The following VRK1 variants were observed in gnomAD, a reference collection of about 807,000 sequenced individuals.
VRK1 encodes VRK serine/threonine kinase 1.
Under a neutral mutation model 57.1 loss-of-function variants are expected in VRK1, and 33 were observed. The ratio of observed to expected loss-of-function variants is 0.58; its 90% CI spans 0.44 to 0.77. The LOEUF (loss-of-function observed/expected upper bound fraction) is 0.77, where lower values mean the gene tolerates loss of function less well. Among genes scored for constraint, VRK1 ranks in the 30% least tolerant of loss-of-function variants. VRK1 has a pLI of 0.00. For missense variants in VRK1, 413 were observed against 477.3 expected (o/e 0.87, Z 1.25); for synonymous variants, 137 against 147.8 (o/e 0.93, Z 0.53).
At position 96,881,087 on chromosome 14, in the gene VRK1, A is replaced by G. The variant is rs1047591422; in HGVS notation, c.1160-90A>G. 4.5e-6 allele frequency: 5 copies of G among 1,120,190 alleles called. No homozygotes were observed. In the African/African-American group the frequency reaches 7.9e-5, roughly 18 times the overall value. 69.4% of individuals were successfully genotyped at this position (1,120,190 alleles called of 1,614,324 possible). On this transcript the variant is annotated intron_variant, in intron 12 of 12. Transcript: ENST00000216639. ...GAGTCGATTTGATTTTAAAATGTTA[A>G]TAACTATATTTAGGGATATTTATAT...
chr14:96,814,968 A>T (rs1344513332), intron 1 of VRK1, among the ~76,000 whole-genome samples: 1 of 152,212 alleles, frequency 6.6e-6, no homozygotes, highest in African/African-American at 2.4e-5. Flanking sequence ...CTTTTATTGT[A>T]TATAATGCTG....
chr14:96,875,902 C>A, intron 11 of VRK1, 128 bp from the exon 12 acceptor site: 1 of 962,714 alleles, frequency 1.0e-6, no homozygotes, highest in Non-Finnish European at 1.6e-6. Flanking sequence ...TGAGAATATT[C>A]TTCCTGTGTG....
At chr14:96,854,879 T>A (rs1304348482) in intron 7 of VRK1, among the ~76,000 whole-genome samples, 1 of 152,202 alleles carries the variant, frequency 6.6e-6, no homozygotes, top group Non-Finnish European at 1.5e-5. Flanking sequence ...TGCTCTGTGC[T>A]CAATTTTAGA....
At chr14:96,809,931 A>G (rs1246241393) in intron 1 of VRK1, among the ~76,000 whole-genome samples, 2 of 152,188 alleles carry the variant, frequency 1.3e-5, no homozygotes, top group Non-Finnish European at 2.9e-5. Context: ...GTACCTATTT[A>G]TACTTTTACC....
At chr14:96,847,618 G>A (rs1224282595) in intron 5 of VRK1, among the ~76,000 whole-genome samples, 12 of 151,978 alleles carry the variant, frequency 7.9e-5, no homozygotes, top group African/African-American at 2.9e-4. Flanking sequence ...CTGACAAGGA[G>A]GAACAAAGCC....
At chr14:96,834,241 A>G (rs758911434) in intron 2 of VRK1, among the ~76,000 whole-genome samples, 3 of 152,314 alleles carry the variant, frequency 2.0e-5, no homozygotes, top group South Asian at 2.1e-4. Context: ...TGCTTCACCA[A>G]TAAATATATT....
chr14:96,821,837 C>T (rs1366119685), intron 1 of VRK1, among the ~76,000 whole-genome samples: 1 of 152,196 alleles, frequency 6.6e-6, no homozygotes, highest in African/African-American at 2.4e-5. Flanking sequence ...CTAATTCTTC[C>T]TCAGCTGCAC....
intron 1 of VRK1, among the ~76,000 whole-genome samples, chr14:96,807,638 C>A (rs2139686073): frequency 6.6e-6 from 1 of 152,206 alleles, no homozygotes; most frequent in East Asian, 1.9e-4. Flanking sequence ...TAGCTATATC[C>A]TTTTGTGACC....
At position 96,840,372 on chromosome 14, in the gene VRK1, G is replaced by T. The variant is rs74076154; in HGVS notation, c.216+2555G>T. ...AACTGGGTCCCAGCTATTCCCTCGT[G>T]CAGGGAAGCGGAAGCAAAGCGATGC... On this transcript the variant is annotated intron_variant, in intron 3 of 12. Transcript: ENST00000216639. 8.7e-3 allele frequency among the ~76,000 whole-genome samples: 1,317 copies of T among 152,240 alleles called. 25 individuals carry two copies. The highest frequency in any genetic ancestry group is 0.03 in the African/African-American group (1,235 of 41,538).
At chr14:96,828,333 C>T (rs1290612156) in intron 1 of VRK1, among the ~76,000 whole-genome samples, 1 of 152,198 alleles carries the variant, frequency 6.6e-6, no homozygotes, top group Admixed American at 6.5e-5. Flanking sequence ...TAGGAGAGTT[C>T]TGTTTGTTCC....
At chr14:96,799,771 G>A (rs1885583427) in intron 1 of VRK1, among the ~76,000 whole-genome samples, 1 of 152,120 alleles carries the variant, frequency 6.6e-6, no homozygotes, top group East Asian at 1.9e-4. Context: ...TTTTCAGACT[G>A]GTAGGATATT....
At chr14:96,809,570 C>CTTTTTTTTT (rs566987608) in intron 1 of VRK1, among the ~76,000 whole-genome samples, 5 of 128,538 alleles carry the variant, frequency 3.9e-5, no homozygotes, top group Non-Finnish European at 3.3e-5. Context: ...TGCTTGCTTT[C>CTTTTTTTTT]TTTTTTTTTT....
Position 96,838,003 on chromosome 14 carries a change from C to G in VRK1, c.216+186C>G, listed in dbSNP as rs1476865521. On this transcript the variant is annotated intron_variant, in intron 3 of 12. Transcript: ENST00000216639. ...TAAATCACTTGAGTGTGAAAAGTTC[C>G]TCTCTTGAAATAAAGTGGCACTGGT... Among the ~76,000 whole-genome samples the G allele has an allele frequency of 3.9e-5, 6 of 151,926 alleles. No homozygotes were observed. In the East Asian group the frequency reaches 9.6e-4, roughly 24 times the overall value.
chr14:96,868,946 C>T (rs1888698438), intron 11 of VRK1, among the ~76,000 whole-genome samples: 1 of 151,970 alleles, frequency 6.6e-6, no homozygotes, highest in Admixed American at 6.6e-5. Flanking sequence ...CAGGCATGCG[C>T]CACCACGCCT....
In VRK1 at chr14:96,856,531, C is replaced by T. The variant is rs1888161315; in HGVS notation, c.834C>T (p.Tyr278=). Residue 278 remains tyrosine (Y), a synonymous_variant, in exon 10 of 13, where the codon TAC becomes TAT. Coordinates refer to ENST00000216639, the MANE Select transcript of VRK1 (RefSeq NM_003384.3). ...CTCATTCTTTAATTTTTAACAGATA[C>T]AGAGAAAATATTGCAAGTTTGATGG... ...PKYVRDSKIR[Y]RENIASLMDK... 1 of 1,612,526 alleles carries T rather than the reference C, an allele frequency of 6.2e-7. No homozygotes were observed.
chr14:96,881,329 CAT>C lies in VRK1; in HGVS notation c.*122_*123del. ...GAGGTGGAAGTAATGATTAAATACT[CAT>C]GTGTTCAGAAAACATAAACTTTTTT... On this transcript the variant is annotated 3_prime_UTR_variant, in exon 13 of 13. Coordinates refer to ENST00000216639, the MANE Select transcript of VRK1 (RefSeq NM_003384.3). 8.5e-6 allele frequency: 7 copies of C among 826,594 alleles called. No individual in the cohort carries two copies. The highest frequency in any genetic ancestry group is 5.4e-5 in the East Asian group (2 of 37,194). The allele number at this position is 826,594 out of a possible 1,614,324, so 51.2% of individuals were successfully genotyped here. A position where few individuals can be genotyped will look rare whatever the true frequency, so the allele number is the denominator to read the frequency against.
Position 96,860,692 on chromosome 14 carries a change from G to C in VRK1, c.1025G>C (p.Ser342Thr). ...AAGGATGATGGCAAATTGGACCTCA[G>C]TGTTGTGGAGAATGGAGGTTTGAAA... ...GSKDDGKLDL[S>T]VVENGGLKAK... The change falls in exon 11 of 13, where the codon AGT (serine) becomes ACT (threonine). Residue 342 changes from serine to threonine, a missense_variant. Ser to Thr is a moderately conservative substitution (Grantham distance 58, BLOSUM62 1). Coordinates refer to ENST00000216639, the MANE Select transcript of VRK1 (RefSeq NM_003384.3). The C allele has an allele frequency of 6.2e-7, 1 of 1,613,340 alleles. No individual in the cohort carries two copies. The highest frequency in any genetic ancestry group is 8.5e-7 in the Non-Finnish European group (1 of 1,179,522).
At chr14:96,874,582 CT>C (rs1415328363) in intron 11 of VRK1, among the ~76,000 whole-genome samples, 2 of 152,202 alleles carry the variant, frequency 1.3e-5, no homozygotes, top group African/African-American at 4.8e-5. Flanking sequence ...ATATACAAAT[CT>C]GCTAAATGAA....
rs1888982044 is a variant in VRK1 at position 96,875,311 on chromosome 14, T to C, written c.1069-719T>C. On this transcript the variant is annotated intron_variant, in intron 11 of 12. Coordinates refer to ENST00000216639, the MANE Select transcript of VRK1 (RefSeq NM_003384.3). ...TTGGGAAGAATGGATGGTGACAGAATATAAGCACTGACTCCTAAATAACAC... is the reference window on the plus strand; with the variant it reads ...TTGGGAAGAATGGATGGTGACAGAACATAAGCACTGACTCCTAAATAACAC... Among the ~76,000 whole-genome samples, 2 of 152,152 alleles carry C rather than the reference T, an allele frequency of 1.3e-5. 1 individual carries two copies. Among genetic ancestry groups the C allele is most frequent in the Non-Finnish European group, 2.9e-5 (2 of 68,012 alleles).
Sources: allele counts gnomAD v4.1 joint callset (sites outside exome capture counted in the v4.1 genomes callset), GRCh38; gene constraint gnomAD v4.1.1; transcripts MANE v1.5; gene names NCBI Gene and HGNC (gene_info 2026-07-23, HGNC 2026-07-21).